MRPL44: variants seen among roughly 807,000 people sequenced by gnomAD.
MRPL44 encodes mitochondrial ribosomal protein L44, also known as large ribosomal subunit protein mL44.
Under a neutral mutation model 25.9 loss-of-function variants are expected in MRPL44, and 21 were observed. The ratio of observed to expected loss-of-function variants is 0.81; its 90% confidence interval spans 0.58 to 1.17. The LOEUF is 1.17. Ranked by LOEUF, MRPL44 falls within the 50% of genes most tolerant of loss-of-function variation. The pLI is 0.00. For missense variants in MRPL44, 410 were observed against 398.9 expected (o/e 1.03, Z -0.24); for synonymous variants, 169 against 151.0 (o/e 1.12, Z -0.87).
intron 1 of MRPL44, among the ~76,000 whole-genome samples, chr2:223,958,900 A>G (rs1483740133): frequency 6.6e-6 from 1 of 152,258 alleles, no homozygotes; most frequent in African/African-American, 2.4e-5. Flanking sequence ...AATTTAAAAT[A>G]CTTTATTGCT....
rs188415656 is a variant in MRPL44, at chr2:223,965,619, T to C, written c.828-1244T>C. 222 of 152,314 alleles carry C rather than the reference T, an allele frequency of 1.5e-3. 2 individuals carry two copies. Among genetic ancestry groups the C allele is most frequent in the Middle Eastern group, 6.8e-3 (2 of 294 alleles). 9.4% of individuals were successfully genotyped at this position (152,314 alleles called of 1,614,324 possible). A position where few individuals can be genotyped will look rare whatever the true frequency, so the allele number is the denominator to read the frequency against. On this transcript the variant is annotated intron_variant, in intron 3 of 3. Transcript: ENST00000258383. ...AGTTATTTGATGTGCACATTCTACA[T>C]TCTTTGCTCCCTTGAAGGAACATTT...
Position 223,957,661 on chromosome 2 carries a change from A to G in MRPL44, c.179+10A>G, listed in dbSNP as rs1689593519. Reference sequence around the variant, plus strand: ...CGCCGCCCGTGCGCCGGTAGGAGCCACCTCGGGAAGAGGTCTCAGGGTGGC... The same window carrying G: ...CGCCGCCCGTGCGCCGGTAGGAGCCGCCTCGGGAAGAGGTCTCAGGGTGGC... On this transcript the variant is annotated intron_variant, in intron 1 of 3. Coordinates refer to ENST00000258383, the MANE Select transcript of MRPL44 (RefSeq NM_022915.5). 2 of 1,600,836 alleles carry G rather than the reference A, an allele frequency of 1.2e-6. No individual in the cohort carries two copies. The highest frequency in any genetic ancestry group is 1.7e-6 in the Non-Finnish European group (2 of 1,178,424).
At chr2:223,961,626 G>C (rs898876008) in intron 2 of MRPL44, among the ~76,000 whole-genome samples, 3 of 152,196 alleles carry the variant, frequency 2.0e-5, no homozygotes, top group Non-Finnish European at 4.4e-5. Flanking sequence ...TATGTATTTT[G>C]ATGGTCTTGT....
Position 223,963,912 on chromosome 2 carries a change from T to G in MRPL44, c.805T>G (p.Leu269Val), listed in dbSNP as rs1435019034. 3.1e-6 allele frequency: 5 copies of G among 1,613,070 alleles called. No individual in the cohort carries two copies. The highest frequency in any genetic ancestry group is 4.2e-6 in the Non-Finnish European group (5 of 1,179,700). ...GTCTGGTGGCACCACAGCTTTGCCTTTGTATTTTGTTGGCTTATACTGGTT... is the reference window on the plus strand; with the variant it reads ...GTCTGGTGGCACCACAGCTTTGCCTGTGTATTTTGTTGGCTTATACTGGTT... Reference protein sequence around the residue: ...RQSGGTTALPLYFVGLYCDKK... With the variant: ...RQSGGTTALPVYFVGLYCDKK... Residue 269 changes from leucine to valine, a missense_variant, in exon 3 of 4, where the codon TTG (leucine) becomes GTG (valine). Physicochemically the swap from Leu to Val is conservative, Grantham distance 32 (BLOSUM62 1). Transcript: ENST00000258383.
At chr2:223,957,789 G>A in intron 1 of MRPL44, 138 bp downstream of exon 1, 1 of 1,028,294 alleles carries the variant, frequency 9.7e-7, no homozygotes, top group Non-Finnish European at 1.4e-6. Context: ...CGTGAGCTGT[G>A]GGCGCGGGGC....
upstream of MRPL44, among the ~76,000 whole-genome samples, chr2:223,953,550 G>A (rs1489815881): frequency 6.6e-6 from 1 of 152,164 alleles, no homozygotes; most frequent in Non-Finnish European, 1.5e-5. Context: ...CCTAATCAAT[G>A]TTTATCTGTT....
At chr2:223,956,858 C>T (rs1206770086), upstream of MRPL44, among the ~76,000 whole-genome samples, 5 of 152,124 alleles carry the variant, frequency 3.3e-5, no homozygotes, top group Non-Finnish European at 5.9e-5. Context: ...ACTGTAATTC[C>T]CCTATTACCG....
At chr2:223,957,219 G>A (rs916453865), upstream of MRPL44, among the ~76,000 whole-genome samples, 1 of 152,266 alleles carries the variant, frequency 6.6e-6, no homozygotes. Context: ...GGGCGCAAAC[G>A]CCCTCAAGTC....
intron 3 of MRPL44, among the ~76,000 whole-genome samples, chr2:223,966,544 T>C (rs964903779): frequency 5.3e-5 from 8 of 152,222 alleles, no homozygotes; most frequent in Non-Finnish European, 1.2e-4. Context: ...TTTCAGGTTT[T>C]TGTAGGGAGA....
chr2:223,959,384 C>T, intron 1 of MRPL44, 150 bp from the exon 2 acceptor site: 1 of 634,128 alleles, frequency 1.6e-6, no homozygotes, highest in Non-Finnish European at 2.7e-6. Context: ...TTAGTCTTAA[C>T]ATTTAGAATA....
chr2:223,959,964 C>A lies in MRPL44; in HGVS notation c.610C>A (p.Gln204Lys), dbSNP rs1438012386. Residue 204 changes from glutamine (Q) to lysine (K), a missense_variant, in exon 2 of 4, where the codon CAG becomes AAG. By Grantham distance (53) the Gln-to-Lys change is moderately conservative. Coordinates refer to ENST00000258383, the MANE Select transcript of MRPL44 (RefSeq NM_022915.5). ...TFFAVIGALL[Q>K]SSGPERTALF... ...CTTTGCAGTTATTGGAGCCCTGTTA[C>A]AGAGCAGTGGACCTGAGAGGACTGC... 6.2e-7 allele frequency: 1 copy of A among 1,614,000 alleles called. No homozygotes were observed.
the MRPL44 span, among the ~76,000 whole-genome samples, chr2:223,951,140 C>T: frequency 6.6e-6 from 1 of 152,140 alleles, no homozygotes; most frequent in Non-Finnish European, 1.5e-5. Flanking sequence ...AGGAAGTGAT[C>T]GACTGTGTCA....
chr2:223,966,268 C>T (rs1689739955), intron 3 of MRPL44, among the ~76,000 whole-genome samples: 1 of 151,812 alleles, frequency 6.6e-6, no homozygotes, highest in African/African-American at 2.4e-5. Flanking sequence ...AGCCATCATG[C>T]CCAGCCTAAA....
rs781288385 is a variant in MRPL44, at chr2:223,959,736, C to A, written c.382C>A (p.Gln128Lys). The A allele has an allele frequency of 2.0e-5, 32 of 1,614,210 alleles. No individual in the cohort carries two copies. The South Asian group carries it at 3.5e-4, about 18-fold the overall frequency. The change falls in exon 2 of 4, where the codon CAA becomes AAA. Residue 128 changes from glutamine (Q) to lysine (K), a missense_variant. Coordinates refer to ENST00000258383, the MANE Select transcript of MRPL44 (RefSeq NM_022915.5). ...TAAAAGTAATCAAGAACTATCCGAA[C>A]AAGGGACATCTTTTTCACAGACTTG... ...NLKSNQELSEQGTSFSQTCLT... is the reference protein window; with the variant it reads ...NLKSNQELSEKGTSFSQTCLT...
intron 3 of MRPL44, among the ~76,000 whole-genome samples, chr2:223,966,613 T>C (rs1207953407): frequency 6.6e-6 from 1 of 152,242 alleles, no homozygotes; most frequent in African/African-American, 2.4e-5. Flanking sequence ...AGATACGACT[T>C]GCTTTTTTGA....
At chr2:223,961,346 T>C (rs1689658517) in intron 2 of MRPL44, among the ~76,000 whole-genome samples, 1 of 152,262 alleles carries the variant, frequency 6.6e-6, no homozygotes, top group African/African-American at 2.4e-5. Context: ...TTTTTGTGGC[T>C]GGATCATATT....
chr2:223,958,097 C>G (rs1024574305), intron 1 of MRPL44, among the ~76,000 whole-genome samples: 13 of 152,122 alleles, frequency 8.5e-5, no homozygotes, highest in Non-Finnish European at 1.9e-4. Flanking sequence ...GATTTTTGCC[C>G]TAATTAATGC....
At chr2:223,964,039 C>A in intron 3 of MRPL44, 105 bp downstream of exon 3, 1 of 846,926 alleles carries the variant, frequency 1.2e-6, no homozygotes, top group Non-Finnish European at 1.8e-6. Context: ...GGAATGTTAA[C>A]ATAACCTCTT....
At position 223,957,666 on chromosome 2, in the gene MRPL44, G is replaced by C. The variant is rs1284120468; in HGVS notation, c.179+15G>C. The C allele has an allele frequency of 1.3e-6, 2 of 1,598,728 alleles. No homozygotes were observed. Among genetic ancestry groups the C allele is most frequent in the Non-Finnish European group, 1.7e-6 (2 of 1,177,748 alleles). On this transcript the variant is annotated intron_variant, in intron 1 of 3. Coordinates refer to ENST00000258383, the MANE Select transcript of MRPL44 (RefSeq NM_022915.5). Reference sequence around the variant, plus strand: ...CCCGTGCGCCGGTAGGAGCCACCTCGGGAAGAGGTCTCAGGGTGGCGGTCG... The same window carrying C: ...CCCGTGCGCCGGTAGGAGCCACCTCCGGAAGAGGTCTCAGGGTGGCGGTCG...
Sources: gnomAD v4.1 joint callset for allele counts (sites outside exome capture counted in the v4.1 genomes callset) on GRCh38, gnomAD v4.1.1 for gene constraint, MANE v1.5 for transcripts, NCBI Gene and HGNC (gene_info 2026-07-23, HGNC 2026-07-21) for gene names.